Variants in DPP10 observed in about 807,000 individuals in gnomAD.
The protein encoded by DPP10 is dipeptidyl peptidase like 10.
In DPP10, 33 loss-of-function variants were observed where a neutral mutation model predicts 120.9. The observed-to-expected ratio is 0.27, with a 90% CI of 0.21 to 0.37. The LOEUF is 0.37. Ranked by LOEUF, DPP10 falls within the 10% of genes least tolerant of loss-of-function variation. The pLI is 1.00. For synonymous variants in DPP10, 337 were observed against 326.1 expected, an observed-to-expected ratio of 1.03 and a Z score of -0.36; for missense variants, 816 against 942.8, an observed-to-expected ratio of 0.87 and a Z score of 1.76.
At chr2:114,710,485 C>T (rs1700955621) in intron 1 of DPP10, among the ~76,000 whole-genome samples, 1 of 152,196 alleles carries the variant, frequency 6.6e-6, no homozygotes, top group South Asian at 2.1e-4. Flanking sequence ...TGGCTCATGC[C>T]TGTAATCCCA....
At chr2:115,569,307 C>G (rs1402064517) in intron 5 of DPP10, among the ~76,000 whole-genome samples, 1 of 152,054 alleles carries the variant, frequency 6.6e-6, no homozygotes, top group Non-Finnish European at 1.5e-5. Flanking sequence ...ATACTGCATC[C>G]TAAGCTTTAA....
chr2:115,695,045 A>C (rs2091512523), intron 7 of DPP10, among the ~76,000 whole-genome samples: 1 of 152,132 alleles, frequency 6.6e-6, no homozygotes, highest in South Asian at 2.1e-4. Context: ...AGCTGAAGTG[A>C]ATTCTAAGGT....
intron 19 of DPP10, among the ~76,000 whole-genome samples, chr2:115,797,195 A>C (rs1447187045): frequency 1.3e-5 from 2 of 152,048 alleles, no homozygotes; most frequent in Admixed American, 1.3e-4. Context: ...AATATTCCAC[A>C]AGAGAGATCA....
chr2:115,101,141 G>T (rs2048674954), intron 1 of DPP10, among the ~76,000 whole-genome samples: 1 of 152,130 alleles, frequency 6.6e-6, no homozygotes, highest in Admixed American at 6.5e-5. Context: ...AATAGTGATG[G>T]ATGACATGGA....
intron 1 of DPP10, among the ~76,000 whole-genome samples, chr2:115,132,176 C>T (rs747787241): frequency 2.0e-5 from 3 of 152,082 alleles, no homozygotes; most frequent in Non-Finnish European, 4.4e-5. Flanking sequence ...TGTCTAAAGA[C>T]TTGAAGTTAG....
chr2:115,473,461 A>G (rs2074865261), intron 3 of DPP10, among the ~76,000 whole-genome samples: 1 of 152,152 alleles, frequency 6.6e-6, no homozygotes, highest in Non-Finnish European at 1.5e-5. Flanking sequence ...AACCAGATGC[A>G]AGCTTTATAC....
chr2:114,604,012 A>G (rs763729620), intron 1 of DPP10, among the ~76,000 whole-genome samples: 1 of 152,070 alleles, frequency 6.6e-6, no homozygotes, highest in Non-Finnish European at 1.5e-5. Flanking sequence ...TAAGCTTCCT[A>G]GAGTCATCCT....
intron 1 of DPP10, among the ~76,000 whole-genome samples, chr2:114,681,714 G>A (rs1292303814): frequency 6.6e-6 from 1 of 151,962 alleles, no homozygotes; most frequent in Non-Finnish European, 1.5e-5. Flanking sequence ...GGTCAGGGGA[G>A]CCTTTGCCTG....
chr2:114,763,019 G>A (rs1032565751), intron 1 of DPP10, among the ~76,000 whole-genome samples: 4 of 152,112 alleles, frequency 2.6e-5, no homozygotes, highest in African/African-American at 7.2e-5. Context: ...ACTCAGATGT[G>A]GGGTGTTTGA....
At chr2:114,501,933 C>CTTTTTTTTT (rs34369425) in intron 1 of DPP10, among the ~76,000 whole-genome samples, 1 of 94,052 alleles carries the variant, frequency 1.1e-5, no homozygotes, top group African/African-American at 3.7e-5. Flanking sequence ...ATTGATATTC[C>CTTTTTTTTT]TTTTTTTTTT....
At chr2:115,366,067 G>A (rs2065060007) in intron 3 of DPP10, among the ~76,000 whole-genome samples, 1 of 152,014 alleles carries the variant, frequency 6.6e-6, no homozygotes, top group South Asian at 2.1e-4. Context: ...GTGGTTGGCA[G>A]TCAGAGCCAG....
chr2:115,129,748 G>C (rs1228773049), intron 1 of DPP10, among the ~76,000 whole-genome samples: 1 of 152,102 alleles, frequency 6.6e-6, no homozygotes, highest in Non-Finnish European at 1.5e-5. Context: ...AGTGTTGTCA[G>C]GAAACCAGCA....
intron 1 of DPP10, among the ~76,000 whole-genome samples, chr2:114,803,925 T>C (rs538443772): frequency 6.6e-6 from 1 of 152,288 alleles, no homozygotes; most frequent in African/African-American, 2.4e-5. Context: ...GGGGAAAATG[T>C]CTCCAGGCCA....
chr2:115,247,657 G>A (rs887121502), intron 1 of DPP10, among the ~76,000 whole-genome samples: 3 of 152,078 alleles, frequency 2.0e-5, no homozygotes, highest in Non-Finnish European at 2.9e-5. Context: ...CTTGCATTGA[G>A]TACTTTTCAG....
intron 1 of DPP10, among the ~76,000 whole-genome samples, chr2:115,122,837 C>T (rs1367231353): frequency 6.6e-6 from 1 of 152,188 alleles, no homozygotes; most frequent in East Asian, 1.9e-4. Flanking sequence ...CTCAGGTCTA[C>T]TCTGTGCAGA....
At chr2:115,016,948 A>G (rs939682216) in intron 1 of DPP10, among the ~76,000 whole-genome samples, 1 of 151,928 alleles carries the variant, frequency 6.6e-6, no homozygotes, top group African/African-American at 2.4e-5. Flanking sequence ...TCAGTAAACT[A>G]TCGCAAGGAC....
At chr2:115,403,788 G>C (rs1310367944) in intron 3 of DPP10, among the ~76,000 whole-genome samples, 1 of 152,024 alleles carries the variant, frequency 6.6e-6, no homozygotes, top group Non-Finnish European at 1.5e-5. Context: ...ACTAATAGGA[G>C]AGAAAAAAGT....
At chr2:115,556,589 G>T (rs1423304189) in intron 5 of DPP10, among the ~76,000 whole-genome samples, 2 of 152,032 alleles carry the variant, frequency 1.3e-5, no homozygotes, top group Non-Finnish European at 2.9e-5. Context: ...AGTGCTATTA[G>T]ATTTTCTCTG....
intron 7 of DPP10, among the ~76,000 whole-genome samples, chr2:115,701,451 T>A (rs1329108641): frequency 5.9e-5 from 9 of 152,034 alleles, no homozygotes; most frequent in Admixed American, 5.9e-4. Flanking sequence ...GGATCAAATA[T>A]CTCAGCATAA....
Sources: gnomAD v4.1 joint callset for allele counts (sites outside exome capture counted in the v4.1 genomes callset) on GRCh38, gnomAD v4.1.1 for gene constraint, MANE v1.5 for transcripts, NCBI Gene and HGNC (gene_info 2026-07-23, HGNC 2026-07-21) for gene names.